PCLO: variants seen among roughly 807,000 people sequenced by gnomAD.
PCLO encodes the protein piccolo presynaptic cytomatrix protein, also known as protein piccolo.
Under a neutral mutation model 427.5 loss-of-function variants are expected in PCLO, and 82 were observed. The ratio of observed to expected loss-of-function variants is 0.19; its 90% CI spans 0.16 to 0.23. The LOEUF (loss-of-function observed/expected upper bound fraction) is 0.23, where lower values mean the gene tolerates loss of function less well. PCLO is among the 10% of genes least tolerant of loss of function. The pLI, the probability that PCLO is intolerant of heterozygous loss-of-function variation, is 1.00. For missense variants in PCLO, 6,239 were observed against 6,115.9 expected (o/e 1.02, Z -0.67); for synonymous variants, 2,357 against 2,155.4 (o/e 1.09, Z -2.59).
At chr7:82,857,935 T>C (rs1792850508) in intron 10 of PCLO, among the ~76,000 whole-genome samples, 1 of 152,140 alleles carries the variant, frequency 6.6e-6, no homozygotes, top group Non-Finnish European at 1.5e-5. Flanking sequence ...ATTAATATTT[T>C]AATTGAAGAG....
intron 7 of PCLO, among the ~76,000 whole-genome samples, chr7:82,913,932 T>C (rs941316948): frequency 2.6e-5 from 4 of 152,070 alleles, no homozygotes; most frequent in African/African-American, 9.6e-5. Context: ...GTTTGAACTC[T>C]AAATAACTAA....
At chr7:83,145,372 C>T (rs542381172) in intron 2 of PCLO, among the ~76,000 whole-genome samples, 36 of 152,072 alleles carry the variant, frequency 2.4e-4, no homozygotes, top group African/African-American at 8.0e-4. Flanking sequence ...CTGCCAAGAA[C>T]GTTAATTTCT....
chr7:82,956,847 C>G lies in PCLO; in HGVS notation c.4106G>C (p.Gly1369Ala). The G allele has an allele frequency of 6.2e-7, 1 of 1,613,820 alleles. No homozygotes were observed. ...GLSDTGYSSDGISSSLGEIPS... is the reference protein window; with the variant it reads ...GLSDTGYSSDAISSSLGEIPS... ...AATTTCACCAAGTGAGCTTGATATT[C>G]CATCGGAAGAATATCCCGTGTCGCT... is the stretch of plus-strand genomic sequence containing the variant. The change falls in exon 5 of 25, where the codon GGA (glycine) becomes GCA (alanine). Residue 1369 changes from glycine to alanine, a missense_variant. By Grantham distance (60) the Gly-to-Ala change is moderately conservative. Coordinates refer to ENST00000333891, the MANE Select transcript of PCLO (RefSeq NM_033026.6).
intron 3 of PCLO, among the ~76,000 whole-genome samples, chr7:83,127,485 T>A (rs1202983403): frequency 6.6e-6 from 1 of 152,098 alleles, no homozygotes; most frequent in African/African-American, 2.4e-5. Context: ...AGGAACCCAT[T>A]CATTTTCCTT....
chr7:82,805,555 A>T, intron 21 of PCLO, 133 bp downstream of exon 21: 1 of 753,948 alleles, frequency 1.3e-6, no homozygotes, highest in Non-Finnish European at 2.2e-6. Context: ...TTACATAGGC[A>T]TTAACAGTTC....
chr7:83,142,931 C>T (rs1285345962), intron 2 of PCLO, among the ~76,000 whole-genome samples: 1 of 151,890 alleles, frequency 6.6e-6, no homozygotes, highest in African/African-American at 2.4e-5. Context: ...GCAATCCAGC[C>T]TGGGAGACAT....
rs200527093 is a variant in PCLO at position 82,758,475 on chromosome 7, G to A, written c.*100C>T. 2.1e-4 allele frequency: 197 copies of A among 924,912 alleles called. No homozygotes were observed. In the East Asian group the frequency reaches 4.9e-3, roughly 23 times the overall value. The allele number at this position is 924,912 out of a possible 1,614,324, so 57.3% of individuals were successfully genotyped here. A position where few individuals can be genotyped will look rare whatever the true frequency, so the allele number is the denominator to read the frequency against. ...TTTTGCTTGTTGTTCCCACTCTTAT[G>A]TTTGCCTCTCAAAACTTAGCTTTGT... On this transcript the variant is annotated 3_prime_UTR_variant, in exon 25 of 25. Coordinates refer to ENST00000333891, the MANE Select transcript of PCLO (RefSeq NM_033026.6).
rs1229419137 is a variant in PCLO at position 83,162,579 on chromosome 7, G to T, written c.14C>A (p.Ala5Glu). 2.6e-6 allele frequency: 4 copies of T among 1,546,982 alleles called. No individual in the cohort carries two copies. In the South Asian group the frequency reaches 4.8e-5, roughly 18 times the overall value. Residue 5 changes from alanine to glutamate, a missense_variant, in exon 1 of 25, where the codon GCG becomes GAG. Coordinates refer to ENST00000333891, the MANE Select transcript of PCLO (RefSeq NM_033026.6). Reference sequence around the variant, plus strand: ...GGGGAGCCCTTCCCCTTCCAAGCTCGCCTCGTTGCCCATGGCTCAGGGAGA... The same window carrying T: ...GGGGAGCCCTTCCCCTTCCAAGCTCTCCTCGTTGCCCATGGCTCAGGGAGA... MGNE[A>E]SLEGEGLPEG...
rs576344618 is a variant in PCLO, at chr7:82,862,093, A to G, written c.13655-14846T>C. ...ACCAAACCCCAAATTAGTAGAAGAA[A>G]ACAAATAATAAAGAACAGAGTGGAA... On this transcript the variant is annotated intron_variant, in intron 10 of 24. Transcript: ENST00000333891. Among the ~76,000 whole-genome samples the G allele has an allele frequency of 5.9e-5, 9 of 152,150 alleles. No individual in the cohort carries two copies. The South Asian group carries it at 1.9e-3, about 32-fold the overall frequency.
intron 20 of PCLO, chr7:82,820,537 A>T: frequency 8.2e-7 from 1 of 1,224,874 alleles, no homozygotes; most frequent in Non-Finnish European, 1.0e-6. Context: ...TCACATGCCC[A>T]ACACATCTGA....
At chr7:82,782,381 A>G (rs1790891715) in intron 22 of PCLO, among the ~76,000 whole-genome samples, 1 of 152,200 alleles carries the variant, frequency 6.6e-6, no homozygotes. Flanking sequence ...AAAATCTTCT[A>G]TACATAAATG....
In PCLO at chr7:82,943,495, A is replaced by G. The variant is rs1411883419; in HGVS notation, c.11112+5981T>C. Among the ~76,000 whole-genome samples, 6 of 151,536 alleles carry G rather than the reference A, an allele frequency of 4.0e-5. No individual in the cohort carries two copies. The East Asian group carries it at 7.7e-4, about 20-fold the overall frequency. ...GAAAAATCACTAAGAAAACTCTTATACTTTAAGATACATAAATCTTGAAAT... is the reference window on the plus strand; with the variant it reads ...GAAAAATCACTAAGAAAACTCTTATGCTTTAAGATACATAAATCTTGAAAT... On this transcript the variant is annotated intron_variant, in intron 6 of 24. Transcript: ENST00000333891.
chr7:82,784,427 C>A (rs1790940136), intron 22 of PCLO, among the ~76,000 whole-genome samples: 1 of 152,120 alleles, frequency 6.6e-6, no homozygotes, highest in Non-Finnish European at 1.5e-5. Context: ...TGAGGCCTTT[C>A]CGGATAATAT....
intron 10 of PCLO, among the ~76,000 whole-genome samples, chr7:82,864,870 A>C (rs1391947803): frequency 6.6e-6 from 1 of 152,144 alleles, no homozygotes; most frequent in Non-Finnish European, 1.5e-5. Flanking sequence ...CATGAAATAA[A>C]ATTTTCAGAA....
chr7:83,159,320 T>C (rs917279533), intron 1 of PCLO, among the ~76,000 whole-genome samples: 14 of 152,104 alleles, frequency 9.2e-5, no homozygotes, highest in East Asian at 1.9e-4. Context: ...AGGCTGAAAG[T>C]AGTAAAGAAA....
intron 10 of PCLO, among the ~76,000 whole-genome samples, chr7:82,852,518 C>T (rs1159480391): frequency 2.0e-5 from 3 of 152,096 alleles, no homozygotes; most frequent in African/African-American, 7.2e-5. Flanking sequence ...AGTTCTTTAG[C>T]TTTTGGACTC....
In PCLO at chr7:83,082,591, C is replaced by T. The variant is rs184452983; in HGVS notation, c.3300+51659G>A. 1.3e-3 allele frequency among the ~76,000 whole-genome samples: 192 copies of T among 151,508 alleles called. 1 individual carries two copies. The highest frequency in any genetic ancestry group is 4.4e-3 in the African/African-American group (181 of 41,398). On this transcript the variant is annotated intron_variant, in intron 3 of 24. Coordinates refer to ENST00000333891, the MANE Select transcript of PCLO (RefSeq NM_033026.6). ...TGATGTTGGTAGTACAATAGGGTGACTACAGTTAACATCAATTTATTATAT... is the reference window on the plus strand; with the variant it reads ...TGATGTTGGTAGTACAATAGGGTGATTACAGTTAACATCAATTTATTATAT...
chr7:82,768,404 C>A (rs6974640), intron 22 of PCLO, among the ~76,000 whole-genome samples: 1,494 of 144,716 alleles, frequency 0.01, 18 homozygotes, highest in African/African-American at 0.037. Flanking sequence ...GCTTGGGTGA[C>A]AGAGTGAGAC....
At position 82,916,121 on chromosome 7, in the gene PCLO, C is replaced by G. The variant is rs1794454850; in HGVS notation, c.11865G>C (p.Gln3955His). Residue 3955 changes from glutamine to histidine, a missense_variant, in exon 7 of 25, where the codon CAG (glutamine) becomes CAC (histidine). Gln to His is a conservative substitution (Grantham distance 24). Coordinates refer to ENST00000333891, the MANE Select transcript of PCLO (RefSeq NM_033026.6). ...GTGGCTTCTGTTGTATCACCATCAT[C>G]TGTGAAGGTAACTGATAAGAAGGCT... is the stretch of plus-strand genomic sequence containing the variant. ...TPQPSYQLPS[Q>H]MMVIQQKPRQ... 1 of 1,613,606 alleles carries G rather than the reference C, an allele frequency of 6.2e-7. No homozygotes were observed. Among genetic ancestry groups the G allele is most frequent in the Non-Finnish European group, 8.5e-7 (1 of 1,179,708 alleles).
Sources: gnomAD v4.1 joint callset for allele counts (sites outside exome capture counted in the v4.1 genomes callset) on GRCh38, gnomAD v4.1.1 for gene constraint, MANE v1.5 for transcripts, NCBI Gene and HGNC (gene_info 2026-07-23, HGNC 2026-07-21) for gene names.